ACAD11: variants seen among roughly 807,000 people sequenced by gnomAD.
ACAD11 encodes acyl-CoA dehydrogenase family member 11, also known as acyl-Coenzyme A dehydrogenase family, member 11.
A neutral mutation model predicts 102.2 loss-of-function variants in ACAD11; 83 were observed. The ratio of observed to expected loss-of-function variants is 0.81; its 90% CI spans 0.68 to 0.97. The LOEUF is 0.97. Among genes scored for constraint, ACAD11 ranks in the 50% least tolerant of loss-of-function variants. The pLI is 0.00. For missense variants in ACAD11, 901 were observed against 951.7 expected (o/e 0.95, Z 0.70); for synonymous variants, 324 against 319.8 (o/e 1.01, Z -0.14).
chr3:132,643,259 G>C (rs575878062), intron 2 of ACAD11, among the ~76,000 whole-genome samples: 2 of 152,290 alleles, frequency 1.3e-5, no homozygotes, highest in African/African-American at 4.8e-5. Flanking sequence ...GGTGGTGGAA[G>C]GAAAAGTACC....
chr3:132,617,067 C>G (rs1417463942), intron 11 of ACAD11, among the ~76,000 whole-genome samples: 2 of 152,152 alleles, frequency 1.3e-5, no homozygotes, highest in African/African-American at 4.8e-5. Context: ...AGAGCTTTAG[C>G]ACCAGGGCCA....
intron 13 of ACAD11, among the ~76,000 whole-genome samples, chr3:132,585,325 C>G (rs138854115): frequency 0.041 from 6,190 of 152,226 alleles, 394 homozygotes; most frequent in African/African-American, 0.14. Context: ...CTTCCTTACA[C>G]CTTATACAAA....
At chr3:132,643,794 G>A (rs760568586) in intron 2 of ACAD11, among the ~76,000 whole-genome samples, 4 of 152,150 alleles carry the variant, frequency 2.6e-5, no homozygotes, top group Non-Finnish European at 5.9e-5. Context: ...CAGAGCTGGA[G>A]CATTGCTTTT....
intron 13 of ACAD11, among the ~76,000 whole-genome samples, chr3:132,591,781 C>T (rs1472178540): frequency 6.6e-6 from 1 of 152,072 alleles, no homozygotes; most frequent in Non-Finnish European, 1.5e-5. Flanking sequence ...GTCCCAGCTA[C>T]TCGGGATGTT....
At chr3:132,641,370 C>T (rs1158834591) in intron 4 of ACAD11, among the ~76,000 whole-genome samples, 24 of 151,994 alleles carry the variant, frequency 1.6e-4, no homozygotes, top group African/African-American at 5.8e-4. Context: ...GGTGAAACCC[C>T]ATGTCTACTA....
chr3:132,636,732 C>A (rs1364981644), intron 5 of ACAD11, among the ~76,000 whole-genome samples: 1 of 151,966 alleles, frequency 6.6e-6, no homozygotes, highest in Non-Finnish European at 1.5e-5. Flanking sequence ...GGCAATGAGG[C>A]TAAAGAAAAA....
In ACAD11 at chr3:132,581,699, A is replaced by G. The variant is rs527309782; in HGVS notation, c.1622-2141T>C. On this transcript the variant is annotated intron_variant, in intron 13 of 19. Transcript: ENST00000264990. ...AAGTGAACTGTGGTCCAAATATAAAATAATGTGACATGAATTTAATATATA... is the reference window on the plus strand; with the variant it reads ...AAGTGAACTGTGGTCCAAATATAAAGTAATGTGACATGAATTTAATATATA... Among the ~76,000 whole-genome samples the G allele has an allele frequency of 2.0e-5, 3 of 152,054 alleles. No homozygotes were observed. The South Asian group carries it at 6.2e-4, about 31-fold the overall frequency.
At position 132,591,721 on chromosome 3, in the gene ACAD11, C is replaced by T. The variant is rs549425604; in HGVS notation, c.1621+11508G>A. On this transcript the variant is annotated intron_variant, in intron 13 of 19. Coordinates refer to ENST00000264990, the MANE Select transcript of ACAD11 (RefSeq NM_032169.5). ...CCCGGGCAACCTAGCGACACCTCGT[C>T]TATACAAAAAAATTTAAAAATTCAC... 5.3e-5 allele frequency among the ~76,000 whole-genome samples: 8 copies of T among 152,094 alleles called. No individual in the cohort carries two copies. The South Asian group carries it at 1.7e-3, about 32-fold the overall frequency.
chr3:132,658,582 T>C (rs1293364107), intron 1 of ACAD11, among the ~76,000 whole-genome samples: 1 of 152,242 alleles, frequency 6.6e-6, no homozygotes, highest in East Asian at 1.9e-4. Context: ...TCTGTTTCAG[T>C]TTGTTACAAC....
At chr3:132,603,134 T>A (rs921477904) in intron 13 of ACAD11, 95 bp downstream of exon 13, 28 of 1,083,152 alleles carry the variant, frequency 2.6e-5, no homozygotes, top group Non-Finnish European at 3.8e-5. Context: ...ATTATGATCA[T>A]GAAACTGATC....
At chr3:132,649,078 A>G (rs963076284) in intron 1 of ACAD11, among the ~76,000 whole-genome samples, 1 of 152,260 alleles carries the variant, frequency 6.6e-6, no homozygotes, top group African/African-American at 2.4e-5. Context: ...AACCAGGGGC[A>G]CAATGCACTG....
At chr3:132,569,209 T>C (rs188456037) in intron 17 of ACAD11, among the ~76,000 whole-genome samples, 6 of 152,034 alleles carry the variant, frequency 3.9e-5, no homozygotes, top group African/African-American at 1.2e-4. Flanking sequence ...GGACATAAGA[T>C]GGCAAATAAG....
At chr3:132,590,343 C>T (rs1938025606) in intron 13 of ACAD11, among the ~76,000 whole-genome samples, 1 of 152,110 alleles carries the variant, frequency 6.6e-6, no homozygotes, top group Non-Finnish European at 1.5e-5. Context: ...TGCAATCTCC[C>T]TGCTCCCAGG....
At chr3:132,618,554 A>T in intron 11 of ACAD11, 80 bp downstream of exon 11, 1 of 1,240,934 alleles carries the variant, frequency 8.1e-7, no homozygotes, top group Non-Finnish European at 1.1e-6. Flanking sequence ...TTGTATAAAA[A>T]CACATTCTTA....
chr3:132,575,997 A>C (rs1937518964), intron 16 of ACAD11, 71 bp from the exon 17 acceptor site: 3 of 1,558,598 alleles, frequency 1.9e-6, no homozygotes, highest in Non-Finnish European at 2.6e-6. Flanking sequence ...ATTTATACAA[A>C]TCCTGGGAAA....
At chr3:132,585,951 G>A (rs1227206633) in intron 13 of ACAD11, among the ~76,000 whole-genome samples, 1 of 151,984 alleles carries the variant, frequency 6.6e-6, no homozygotes, top group Non-Finnish European at 1.5e-5. Flanking sequence ...CAGGGATCTA[G>A]AACTAGAAAT....
At chr3:132,649,559 A>G (rs1055918550) in intron 1 of ACAD11, among the ~76,000 whole-genome samples, 5 of 152,192 alleles carry the variant, frequency 3.3e-5, no homozygotes, top group Admixed American at 1.3e-4. Context: ...TCTCCCCACT[A>G]TCACCCTGCT....
intron 17 of ACAD11, 172 bp from the exon 18 acceptor site, chr3:132,561,389 C>CCTAA (rs1442411678): frequency 1.5e-6 from 1 of 646,472 alleles, no homozygotes; most frequent in Non-Finnish European, 2.9e-6. Context: ...TATACACCAG[C>CCTAA]CTAACCACAT....
intron 5 of ACAD11, among the ~76,000 whole-genome samples, chr3:132,635,032 T>C (rs1940220641): frequency 6.6e-6 from 1 of 151,154 alleles, no homozygotes; most frequent in African/African-American, 2.4e-5. Flanking sequence ...TGTGCACATG[T>C]ACCCTAGAAC....
Sources: gnomAD v4.1 joint callset for allele counts (sites outside exome capture counted in the v4.1 genomes callset) on GRCh38, gnomAD v4.1.1 for gene constraint, MANE v1.5 for transcripts, NCBI Gene and HGNC (gene_info 2026-07-23, HGNC 2026-07-21) for gene names.